MTCL2: variants seen among roughly 807,000 people sequenced by gnomAD.
MTCL2 encodes microtubule crosslinking factor 2, also known as microtubule cross-linking factor 2.
chr20:36,849,559 T>C, the MTCL2 span, among the ~76,000 whole-genome samples: 5 of 152,072 alleles, frequency 3.3e-5, no homozygotes, highest in Non-Finnish European at 7.4e-5. Context: ...TTCAGCCTCC[T>C]GAGTAGCTGG....
chr20:36,786,073 T>C, the MTCL2 span: 1 of 987,036 alleles, frequency 1.0e-6, no homozygotes, highest in Non-Finnish European at 1.2e-6. Flanking sequence ...GGGTGGATGG[T>C]CAGCAGGAAA....
chr20:36,786,608 A>C, the MTCL2 span: 1 of 1,550,846 alleles, frequency 6.4e-7, no homozygotes, highest in East Asian at 2.4e-5. Context: ...AGGAGGTGAG[A>C]GACTGGGTAC....
chr20:36,835,819 G>A, the MTCL2 span, among the ~76,000 whole-genome samples: 3 of 151,996 alleles, frequency 2.0e-5, no homozygotes, highest in Admixed American at 2.0e-4. Context: ...CCAGACTCCG[G>A]AGAGCCACAC....
chr20:36,849,845 T>C, the MTCL2 span, among the ~76,000 whole-genome samples: 1 of 152,158 alleles, frequency 6.6e-6, no homozygotes, highest in East Asian at 1.9e-4. Context: ...GCTGGTGAGC[T>C]GTGGGGCTGG....
the MTCL2 span, chr20:36,796,914 G>A: frequency 1.3e-5 from 21 of 1,613,826 alleles, no homozygotes; most frequent in South Asian, 1.1e-4. Flanking sequence ...GCTCAACTTC[G>A]GAAACAGCCT....
the MTCL2 span, chr20:36,793,340 C>T: frequency 6.4e-7 from 1 of 1,551,848 alleles, no homozygotes; most frequent in Non-Finnish European, 8.7e-7. The surrounding 1 kb of genome is among the most constrained non-coding windows in gnomAD (Gnocchi z 6.8). Context: ...CTCCTCACTG[C>T]TGCCCAACTT....
chr20:36,815,799 C>A, the MTCL2 span: 2 of 1,592,026 alleles, frequency 1.3e-6, no homozygotes, highest in Non-Finnish European at 8.6e-7. This position sits in a 1 kb window ranked among gnomAD's most constrained non-coding sequence, Gnocchi z 5.3. Context: ...GTGCTCCGAG[C>A]GGAACTTGGC....
the MTCL2 span, among the ~76,000 whole-genome samples, chr20:36,810,717 CCTCTCTCTCTCTCT>C: frequency 3.7e-3 from 346 of 94,278 alleles, 1 homozygote; most frequent in Admixed American, 7.3e-3. Context: ...TCTCTCTCTC[CCTCTCTCTCTCTCT>C]CTCTCTCTCT....
chr20:36,806,253 G>T, the MTCL2 span, among the ~76,000 whole-genome samples: 1 of 152,140 alleles, frequency 6.6e-6, no homozygotes, highest in Non-Finnish European at 1.5e-5. Context: ...GACCTTGCTG[G>T]GGGGTTGGAC....
chr20:36,809,106 A>T, the MTCL2 span, among the ~76,000 whole-genome samples: 2 of 152,206 alleles, frequency 1.3e-5, no homozygotes, highest in Non-Finnish European at 2.9e-5. Flanking sequence ...AGGGCGTGCC[A>T]GGGTTGAGGA....
chr20:36,835,536 A>G, the MTCL2 span, among the ~76,000 whole-genome samples: 1 of 152,150 alleles, frequency 6.6e-6, no homozygotes, highest in Non-Finnish European at 1.5e-5. Context: ...GTACCCTCCT[A>G]GGCAGCGCCC....
chr20:36,815,363 C>T, the MTCL2 span: 3 of 1,613,502 alleles, frequency 1.9e-6, no homozygotes, highest in Non-Finnish European at 2.5e-6. The surrounding 1 kb of genome is among the most constrained non-coding windows in gnomAD (Gnocchi z 5.3). Context: ...CCTCATGCAG[C>T]CGGAAGTCAG....
At chr20:36,793,846 C>T in the MTCL2 span, 1 of 1,545,826 alleles carries the variant, frequency 6.5e-7, no homozygotes, top group Admixed American at 2.0e-5. This position sits in a 1 kb window ranked among gnomAD's most constrained non-coding sequence, Gnocchi z 6.8. Context: ...TGCGCACAGA[C>T]ACGAGCGAAG....
chr20:36,816,658 T>A, the MTCL2 span, among the ~76,000 whole-genome samples: 1 of 152,108 alleles, frequency 6.6e-6, no homozygotes, highest in Non-Finnish European at 1.5e-5. Context: ...ACTCTGACAA[T>A]CCCATACCAC....
the MTCL2 span, among the ~76,000 whole-genome samples, chr20:36,827,966 T>C: frequency 6.6e-6 from 1 of 152,156 alleles, no homozygotes; most frequent in African/African-American, 2.4e-5. Context: ...CCCTGCACAC[T>C]GAGAGGGCAT....
the MTCL2 span, among the ~76,000 whole-genome samples, chr20:36,822,759 C>CTTTT: frequency 2.8e-5 from 4 of 141,318 alleles, no homozygotes; most frequent in Non-Finnish European, 6.2e-5. Context: ...ACTCTAGATT[C>CTTTT]TTTTTTTTTT....
the MTCL2 span, among the ~76,000 whole-genome samples, chr20:36,818,626 T>G: frequency 6.6e-6 from 1 of 151,884 alleles, no homozygotes; most frequent in East Asian, 1.9e-4. Context: ...ATAGCAAGAC[T>G]CCACCTCAAA....
chr20:36,829,310 A>G, the MTCL2 span: 5 of 1,244,690 alleles, frequency 4.0e-6, no homozygotes, highest in Admixed American at 1.3e-4. Context: ...GGGCAACCCT[A>G]GAGACAGGCA....
At chr20:36,849,907 A>T in the MTCL2 span, among the ~76,000 whole-genome samples, 3 of 152,138 alleles carry the variant, frequency 2.0e-5, no homozygotes, top group Admixed American at 6.6e-5. Context: ...AAGTGGCAGC[A>T]TGTGGTCTGA....
Sources: gnomAD v4.1 joint callset for allele counts (sites outside exome capture counted in the v4.1 genomes callset) on GRCh38, gnomAD v4.1.1 for gene constraint, Gnocchi (gnomAD v3.1) non-coding constraint, MANE v1.5 for transcripts, NCBI Gene and HGNC (gene_info 2026-07-23, HGNC 2026-07-21) for gene names.